Variants in FAT3 observed in about 807,000 individuals in gnomAD.
FAT3 encodes protocadherin Fat 3.
FAT3 carries 95 observed loss-of-function variants against 310.2 expected under a neutral mutation model. That is an observed-to-expected ratio of 0.31 (90% CI 0.26 to 0.36). The LOEUF is 0.36. FAT3 is among the 10% of genes least tolerant of loss of function. The pLI is 1.00. For missense variants in FAT3, 5,408 were observed against 5,715.6 expected (o/e 0.95, Z 1.74); for synonymous variants, 2,314 against 2,192.9 (o/e 1.06, Z -1.54).
At chr11:92,732,363 A>AT (rs371358763) in intron 4 of FAT3, among the ~76,000 whole-genome samples, 2 of 152,158 alleles carry the variant, frequency 1.3e-5, no homozygotes, top group African/African-American at 2.4e-5. Flanking sequence ...TTGAACAGGC[A>AT]TTTTTTTCAT....
At chr11:92,785,105 T>C (rs1946854118) in intron 7 of FAT3, among the ~76,000 whole-genome samples, 2 of 152,086 alleles carry the variant, frequency 1.3e-5, no homozygotes, top group South Asian at 4.2e-4. Flanking sequence ...CAGCTGACTC[T>C]GAATGGCAAG....
intron 8 of FAT3, among the ~76,000 whole-genome samples, chr11:92,791,564 A>G (rs796837922): frequency 1.8e-4 from 28 of 152,340 alleles, no homozygotes; most frequent in African/African-American, 6.5e-4. Flanking sequence ...TATCACTTAC[A>G]TAATTGAATA....
chr11:92,837,512 C>G, intron 16 of FAT3, 151 bp from the exon 17 acceptor site: 1 of 903,482 alleles, frequency 1.1e-6, no homozygotes, highest in East Asian at 2.7e-5. Context: ...ACCCAAATGT[C>G]AGTGGTGCCA....
At position 92,589,473 on chromosome 11, in the gene FAT3, A is replaced by G. The variant is rs759543852; in HGVS notation, c.3607+64525A>G. ...ATGTGTTGAATGAGTTGCTTCAAGTATGAAGAAATAGAGCAAATTTCAGTT... is the reference window on the plus strand; with the variant it reads ...ATGTGTTGAATGAGTTGCTTCAAGTGTGAAGAAATAGAGCAAATTTCAGTT... On this transcript the variant is annotated intron_variant, in intron 3 of 27. Transcript: ENST00000525166. Among the ~76,000 whole-genome samples the G allele has an allele frequency of 2.6e-5, 4 of 152,134 alleles. 1 individual carries two copies. The highest frequency in any genetic ancestry group is 2.6e-4 in the Admixed American group (4 of 15,250).
At chr11:92,404,179 A>G (rs1950088963) in intron 2 of FAT3, among the ~76,000 whole-genome samples, 1 of 152,044 alleles carries the variant, frequency 6.6e-6, no homozygotes, top group South Asian at 2.1e-4. Flanking sequence ...AATATCAAGG[A>G]TCTGTATATG....
At chr11:92,481,096 A>G (rs370167612) in intron 2 of FAT3, among the ~76,000 whole-genome samples, 12 of 152,200 alleles carry the variant, frequency 7.9e-5, no homozygotes, top group East Asian at 5.8e-4. Flanking sequence ...TGAATTGTCA[A>G]TATAATCATT....
At chr11:92,876,684 T>G (rs1949543354) in intron 22 of FAT3, among the ~76,000 whole-genome samples, 2 of 152,258 alleles carry the variant, frequency 1.3e-5, no homozygotes, top group South Asian at 4.1e-4. Flanking sequence ...CTCTCTTGGC[T>G]CCTGCATCTG....
At chr11:92,241,413 G>C (rs1352873856) in intron 1 of FAT3, among the ~76,000 whole-genome samples, 1 of 151,976 alleles carries the variant, frequency 6.6e-6, no homozygotes, top group Non-Finnish European at 1.5e-5. Context: ...TTTGTGATGT[G>C]TTTCTTTGCT....
chr11:92,235,088 A>T (rs965086958), intron 1 of FAT3, among the ~76,000 whole-genome samples: 3 of 151,666 alleles, frequency 2.0e-5, no homozygotes, highest in African/African-American at 4.8e-5. Context: ...AAAAAAAAAA[A>T]TTCTGGACAG....
chr11:92,694,289 CAT>C (rs1943876653), intron 3 of FAT3, among the ~76,000 whole-genome samples: 3 of 152,146 alleles, frequency 2.0e-5, no homozygotes, highest in African/African-American at 7.2e-5. Flanking sequence ...CCTTTTATTT[CAT>C]ATCTATGAAA....
intron 3 of FAT3, 136 bp downstream of exon 3, chr11:92,525,084 G>A: frequency 1.3e-6 from 1 of 748,236 alleles, no homozygotes; most frequent in African/African-American, 1.8e-5. Context: ...TTCTGAAAAG[G>A]TGAGTGCCAC....
chr11:92,885,401 A>G (rs1949773315), intron 24 of FAT3, among the ~76,000 whole-genome samples: 2 of 152,154 alleles, frequency 1.3e-5, no homozygotes, highest in Admixed American at 1.3e-4. Flanking sequence ...CTGTGCTCTT[A>G]CCAGCACTGT....
intron 2 of FAT3, among the ~76,000 whole-genome samples, chr11:92,518,166 A>G (rs545314916): frequency 3.7e-4 from 57 of 152,156 alleles, no homozygotes; most frequent in Non-Finnish European, 7.1e-4. Flanking sequence ...ATTACTGTGT[A>G]TATACCCAAA....
intron 2 of FAT3, among the ~76,000 whole-genome samples, chr11:92,388,385 T>C (rs1257725530): frequency 6.6e-6 from 1 of 152,164 alleles, no homozygotes; most frequent in Non-Finnish European, 1.5e-5. Flanking sequence ...AAGGTAGTGC[T>C]TATTCCTCAT....
chr11:92,614,455 G>T (rs554306576), intron 3 of FAT3, among the ~76,000 whole-genome samples: 1 of 152,226 alleles, frequency 6.6e-6, no homozygotes, highest in South Asian at 2.1e-4. Flanking sequence ...TATGTTCAAT[G>T]TGTTCTTATT....
At chr11:92,836,993 G>A (rs1024551365) in intron 16 of FAT3, among the ~76,000 whole-genome samples, 4 of 151,984 alleles carry the variant, frequency 2.6e-5, no homozygotes, top group Admixed American at 2.6e-4. Context: ...ATACTTTCAG[G>A]GTGTTGGGAC....
intron 1 of FAT3, among the ~76,000 whole-genome samples, chr11:92,320,993 T>C (rs1437235474): frequency 2.0e-5 from 3 of 152,176 alleles, no homozygotes; most frequent in Non-Finnish European, 4.4e-5. Context: ...TCTGTCACTT[T>C]CCTAGAGAAC....
intron 3 of FAT3, among the ~76,000 whole-genome samples, chr11:92,658,907 TGTC>T (rs1047275999): frequency 4.8e-5 from 7 of 147,026 alleles, no homozygotes; most frequent in African/African-American, 1.7e-4. Context: ...ACTCGCCTAT[TGTC>T]ATCATCGTCA....
intron 1 of FAT3, among the ~76,000 whole-genome samples, chr11:92,239,345 C>G (rs2134248038): frequency 6.6e-6 from 1 of 152,194 alleles, no homozygotes; most frequent in African/African-American, 2.4e-5. Context: ...AGTACCCCTT[C>G]AAACATCTGC....
Sources: gnomAD v4.1 joint callset for allele counts (sites outside exome capture counted in the v4.1 genomes callset) on GRCh38, gnomAD v4.1.1 for gene constraint, MANE v1.5 for transcripts, NCBI Gene and HGNC (gene_info 2026-07-23, HGNC 2026-07-21) for gene names.